Variants in LTBP1 observed in about 807,000 individuals in gnomAD.
LTBP1 encodes the protein latent-transforming growth factor beta-binding protein 1.
In LTBP1, 129 loss-of-function variants were observed where a neutral mutation model predicts 207.6. That is an observed-to-expected ratio of 0.62 (90% CI 0.54 to 0.72). The LOEUF is 0.72. Among genes scored for constraint, LTBP1 ranks in the 30% least tolerant of loss-of-function variants. The probability of loss-of-function intolerance (pLI) is 0.00; values close to 1 mark genes in which losing one functional copy is unlikely to be tolerated. For missense variants in LTBP1, 2,281 were observed against 2,217.2 expected (o/e 1.03, Z -0.58); for synonymous variants, 963 against 833.7 (o/e 1.16, Z -2.67).
intron 9 of LTBP1, among the ~76,000 whole-genome samples, chr2:33,227,961 T>C (rs11693247): frequency 6.6e-6 from 1 of 151,872 alleles, no homozygotes; most frequent in Non-Finnish European, 1.5e-5. Flanking sequence ...CGCACCACCA[T>C]GCCTGGCTAC....
intron 3 of LTBP1, among the ~76,000 whole-genome samples, chr2:33,032,925 C>T (rs1465536821): frequency 6.6e-6 from 1 of 152,118 alleles, no homozygotes; most frequent in Non-Finnish European, 1.5e-5. Flanking sequence ...ATATCCATAT[C>T]AGCTTTATGT....
chr2:33,338,210 A>G (rs1459511242), intron 24 of LTBP1, among the ~76,000 whole-genome samples: 2 of 152,140 alleles, frequency 1.3e-5, no homozygotes, highest in African/African-American at 4.8e-5. Flanking sequence ...TTCAAATCCA[A>G]AATATTGCTC....
intron 3 of LTBP1, among the ~76,000 whole-genome samples, chr2:33,022,757 A>T (rs997455182): frequency 2.0e-5 from 3 of 152,148 alleles, no homozygotes; most frequent in African/African-American, 7.2e-5. Flanking sequence ...TGTTGCATCT[A>T]CTCAGTTCTG....
At position 33,280,162 on chromosome 2, in the gene LTBP1, GGTACTATAGT is replaced by G; in HGVS notation, c.3112+10_3112+19del. On this transcript the variant is annotated splice_donor_5th_base_variant and intron_variant, in intron 19 of 33. Transcript: ENST00000404816. ...GGCTGGAATGGACAGTGCCTTGGTAGGTACTATAGTGTACTTATCAAAGATTTGTTTCTTC... is the reference window on the plus strand; with the variant it reads ...GGCTGGAATGGACAGTGCCTTGGTAGGTACTTATCAAAGATTTGTTTCTTC... 6.2e-7 allele frequency: 1 copy of G among 1,612,862 alleles called. No individual in the cohort carries two copies. The highest frequency in any genetic ancestry group is 8.5e-7 in the Non-Finnish European group (1 of 1,179,700).
intron 22 of LTBP1, among the ~76,000 whole-genome samples, chr2:33,305,073 G>A (rs1344173055): frequency 6.6e-6 from 1 of 152,152 alleles, no homozygotes; most frequent in East Asian, 1.9e-4. Flanking sequence ...CAGCACTTTG[G>A]GAGTTCCGAG....
At chr2:33,064,055 T>C (rs2149667403) in intron 3 of LTBP1, among the ~76,000 whole-genome samples, 1 of 152,234 alleles carries the variant, frequency 6.6e-6, no homozygotes, top group South Asian at 2.1e-4. Flanking sequence ...GGTTTCACCA[T>C]GTTGGGCCAG....
At chr2:33,072,250 G>T (rs1192046556) in intron 3 of LTBP1, among the ~76,000 whole-genome samples, 1 of 152,226 alleles carries the variant, frequency 6.6e-6, no homozygotes, top group African/African-American at 2.4e-5. Context: ...AGGGGAAGGG[G>T]CGCAGATCTT....
intron 24 of LTBP1, among the ~76,000 whole-genome samples, chr2:33,341,714 C>CAAAA (rs1212498794): frequency 6.5e-4 from 73 of 113,044 alleles, no homozygotes; most frequent in African/African-American, 3.0e-3. Flanking sequence ...CCGTCTCACT[C>CAAAA]AAAAAAAAAA....
intron 3 of LTBP1, among the ~76,000 whole-genome samples, chr2:33,089,051 G>A (rs1304554388): frequency 1.3e-5 from 2 of 151,606 alleles, no homozygotes; most frequent in Non-Finnish European, 2.9e-5. Flanking sequence ...AGCTACTCGG[G>A]AGGCTGAGGC....
chr2:33,074,961 G>A (rs1031500673), intron 3 of LTBP1, among the ~76,000 whole-genome samples: 2 of 151,832 alleles, frequency 1.3e-5, no homozygotes, highest in African/African-American at 4.8e-5. Flanking sequence ...TGAGGCAGGA[G>A]AATCATTTGA....
rs1039604544 is a variant in LTBP1 at position 33,276,668 on chromosome 2, T to C, written c.2992+745T>C. ...GAGTTTGAGACCAGCCTGGCCAACA[T>C]GCTGAAACTCCCTCTCTCCTAAAAA... On this transcript the variant is annotated intron_variant, in intron 18 of 33. Coordinates refer to ENST00000404816, the MANE Select transcript of LTBP1 (RefSeq NM_206943.4). 5.9e-5 allele frequency among the ~76,000 whole-genome samples: 9 copies of C among 152,216 alleles called. No homozygotes were observed. In the East Asian group the frequency reaches 1.5e-3, roughly 26 times the overall value.
intron 31 of LTBP1, among the ~76,000 whole-genome samples, chr2:33,373,984 T>C (rs970704453): frequency 4.6e-5 from 7 of 152,206 alleles, no homozygotes; most frequent in African/African-American, 1.7e-4. Context: ...TGGAATGTCT[T>C]CAAACAATTC....
intron 3 of LTBP1, among the ~76,000 whole-genome samples, chr2:33,070,420 T>C (rs1347937679): frequency 6.6e-6 from 1 of 152,198 alleles, no homozygotes; most frequent in East Asian, 1.9e-4. Flanking sequence ...TGGCTAGCCA[T>C]GGCTGGTGGC....
chr2:32,952,382 A>G (rs1252218018), intron 2 of LTBP1, among the ~76,000 whole-genome samples: 1 of 152,212 alleles, frequency 6.6e-6, no homozygotes, highest in African/African-American at 2.4e-5. Context: ...TTGCATGTTA[A>G]TGTTCCTTTT....
intron 5 of LTBP1, among the ~76,000 whole-genome samples, chr2:33,151,122 A>G (rs1055828735): frequency 2.0e-5 from 3 of 152,092 alleles, no homozygotes; most frequent in African/African-American, 4.8e-5. Context: ...ATTTGCATAC[A>G]CTACCTTTTG....
chr2:33,167,141 A>G (rs770839768), intron 5 of LTBP1, among the ~76,000 whole-genome samples: 2 of 152,210 alleles, frequency 1.3e-5, no homozygotes, highest in Non-Finnish European at 2.9e-5. Flanking sequence ...TAAATTGATT[A>G]AAAAGTGAGT....
intron 23 of LTBP1, among the ~76,000 whole-genome samples, chr2:33,313,486 T>C (rs911405150): frequency 6.6e-6 from 1 of 152,202 alleles, no homozygotes; most frequent in Non-Finnish European, 1.5e-5. Context: ...TAGCAGCCAA[T>C]AGGAAGAACA....
chr2:33,325,657 G>A (rs1020040739), intron 24 of LTBP1, among the ~76,000 whole-genome samples: 1 of 152,132 alleles, frequency 6.6e-6, no homozygotes, highest in African/African-American at 2.4e-5. Flanking sequence ...AAAACAAAAT[G>A]TATATTTCAC....
At chr2:33,196,813 A>T (rs907336456) in intron 7 of LTBP1, among the ~76,000 whole-genome samples, 7 of 152,196 alleles carry the variant, frequency 4.6e-5, no homozygotes, top group African/African-American at 1.7e-4. Flanking sequence ...TTATCAGTCA[A>T]GGAAGTCCAG....
Sources: gnomAD v4.1 joint callset for allele counts (sites outside exome capture counted in the v4.1 genomes callset) on GRCh38, gnomAD v4.1.1 for gene constraint, MANE v1.5 for transcripts, NCBI Gene and HGNC (gene_info 2026-07-23, HGNC 2026-07-21) for gene names.